The following DMD variants were observed in gnomAD, a reference collection of about 807,000 sequenced individuals.
DMD encodes the protein dystrophin.
DMD carries 63 observed loss-of-function variants against 330.1 expected under a neutral mutation model. The observed-to-expected ratio is 0.19, with a 90% CI of 0.16 to 0.24. The LOEUF (loss-of-function observed/expected upper bound fraction) is 0.24, where lower values mean the gene tolerates loss of function less well. Ranked by LOEUF, DMD falls within the 10% of genes least tolerant of loss-of-function variation. The probability of loss-of-function intolerance (pLI) is 1.00; values close to 1 mark genes in which losing one functional copy is unlikely to be tolerated. For synonymous variants in DMD, 1,223 were observed against 959.8 expected (o/e 1.27, Z -5.07); for missense variants, 3,344 against 2,684.1 (o/e 1.25, Z -5.43).
chrX:32,075,492 T>C (rs1204582779), intron 44 of DMD, among the ~76,000 whole-genome samples: 2 of 111,929 alleles, frequency 1.8e-5, no homozygotes, highest in South Asian at 3.7e-4. Flanking sequence ...CAGATACTTA[T>C]TTTTTGACAA....
Position 32,330,282 on chromosome X carries a change from A to G in DMD, c.5922+11818T>C, listed in dbSNP as rs752405360. Among the ~76,000 whole-genome samples the G allele has an allele frequency of 5.3e-5, 6 of 112,521 alleles. No homozygotes were observed. The South Asian group carries it at 2.2e-3, about 41-fold the overall frequency. ...TAAAGGAGGGCAGGAGAATTATCAG[A>G]TAACTTACCAACTTGAAAATATTAT... On this transcript the variant is annotated intron_variant, in intron 41 of 78. Coordinates refer to ENST00000357033, the MANE Select transcript of DMD (RefSeq NM_004006.3).
intron 7 of DMD, among the ~76,000 whole-genome samples, chrX:32,729,113 A>T (rs945041060): frequency 8.9e-6 from 1 of 112,214 alleles, no homozygotes; most frequent in African/African-American, 3.2e-5. Flanking sequence ...GAAAATTTGA[A>T]ATCTGAAATG....
chrX:32,078,369 G>A (rs1049473575), intron 44 of DMD, among the ~76,000 whole-genome samples: 13 of 111,432 alleles, frequency 1.2e-4, no homozygotes, highest in African/African-American at 4.2e-4. Context: ...TCTCTCACAC[G>A]GACTACTCAA....
In DMD at chrX:31,384,424, G is replaced by T. The variant is rs778278619; in HGVS notation, c.9085-35790C>A. 2.7e-5 allele frequency among the ~76,000 whole-genome samples: 3 copies of T among 111,747 alleles called. No homozygotes were observed. In the South Asian group the frequency reaches 1.1e-3, roughly 42 times the overall value. ...GTGATTTTGTACTCTGATGACCAGAGAAGAGAACAGGGACCTGTGGAATAT... is the reference window on the plus strand; with the variant it reads ...GTGATTTTGTACTCTGATGACCAGATAAGAGAACAGGGACCTGTGGAATAT... On this transcript the variant is annotated intron_variant, in intron 60 of 78. Transcript: ENST00000357033.
At chrX:32,188,219 A>AT (rs1249184124) in intron 44 of DMD, among the ~76,000 whole-genome samples, 6 of 109,189 alleles carry the variant, frequency 5.5e-5, no homozygotes, top group Non-Finnish European at 1.1e-4. Flanking sequence ...TTAGTCATAT[A>AT]TTTTTGTAAA....
chrX:32,895,511 G>C (rs2085627066), intron 2 of DMD, among the ~76,000 whole-genome samples: 1 of 111,397 alleles, frequency 9.0e-6, no homozygotes, highest in Non-Finnish European at 1.9e-5. Flanking sequence ...CTGGAGTTTT[G>C]GGCGTCAAGG....
intron 53 of DMD, among the ~76,000 whole-genome samples, chrX:31,674,439 C>G (rs1049803612): frequency 8.9e-6 from 1 of 112,193 alleles, no homozygotes; most frequent in African/African-American, 3.2e-5. Flanking sequence ...AATGTTTATT[C>G]AATAATTTGA....
chrX:32,194,268 A>G (rs59794609), intron 44 of DMD, among the ~76,000 whole-genome samples: 2,934 of 111,592 alleles, frequency 0.026, 82 homozygotes, highest in African/African-American at 0.091. Flanking sequence ...TGTTTTGACA[A>G]TTGAATGTAT....
chrX:33,150,540 C>T (rs192016776), intron 1 of DMD, among the ~76,000 whole-genome samples: 2 of 109,694 alleles, frequency 1.8e-5, no homozygotes, highest in African/African-American at 6.6e-5. Context: ...GTGATCCGCC[C>T]GCCTCGGCCT....
At chrX:31,530,321 T>C (rs1276633383) in intron 55 of DMD, among the ~76,000 whole-genome samples, 3 of 111,851 alleles carry the variant, frequency 2.7e-5, no homozygotes, top group Non-Finnish European at 5.6e-5. Flanking sequence ...CAAAGAGATA[T>C]GGTATATTAT....
chrX:33,282,603 A>G lies in DMD; in HGVS notation c.7+56656T>C, dbSNP rs144716253. Among the ~76,000 whole-genome samples, 1,056 of 111,958 alleles carry G rather than the reference A, an allele frequency of 9.4e-3. 20 individuals are homozygous for G. Among genetic ancestry groups the G allele is most frequent in the African/African-American group, 0.032 (996 of 30,844 alleles). The stretch of plus-strand genomic sequence containing the variant: ...AGGTTGGGCCACTTGCTGTGACAAA[A>G]TTCCTCTAAACAATACTGCCACTTG... On this transcript the variant is annotated intron_variant, in intron 1 of 17. Transcript: ENST00000288447.
intron 44 of DMD, among the ~76,000 whole-genome samples, chrX:31,985,569 A>C (rs1434821571): frequency 2.7e-5 from 3 of 112,446 alleles, no homozygotes. Context: ...TTCATTTTAG[A>C]TATTTAAATA....
At chrX:32,069,809 GTTC>G (rs2096283729) in intron 44 of DMD, among the ~76,000 whole-genome samples, 1 of 111,641 alleles carries the variant, frequency 9.0e-6, no homozygotes, top group Non-Finnish European at 1.9e-5. Flanking sequence ...TCTGAACACT[GTTC>G]TTCTATATTT....
chrX:33,150,039 G>A (rs1330238696), intron 1 of DMD, among the ~76,000 whole-genome samples: 1 of 111,297 alleles, frequency 9.0e-6, no homozygotes, highest in East Asian at 2.8e-4. Flanking sequence ...GATGATACAT[G>A]ACTATAAAAT....
intron 44 of DMD, among the ~76,000 whole-genome samples, chrX:32,057,304 A>C (rs2096184355): frequency 9.0e-6 from 1 of 111,326 alleles, no homozygotes. Context: ...AATACATCAA[A>C]TTTGGAAAGG....
At position 32,342,300 on chromosome X, in the gene DMD, T is replaced by C. The variant is rs2097747799; in HGVS notation, c.5740-18A>G. The C allele has an allele frequency of 8.3e-7, 1 of 1,209,504 alleles. No homozygotes were observed. Among genetic ancestry groups the C allele is most frequent in the Non-Finnish European group, 1.1e-6 (1 of 894,470 alleles). On this transcript the variant is annotated intron_variant, in intron 40 of 78. Transcript: ENST00000357033. ...TCAATTTCCTATTGAGCAAAACCAA[T>C]ACAGGGCCCAGGGCAGTTAGCTAAC...
chrX:32,025,666 G>A (rs1337567016), intron 44 of DMD, among the ~76,000 whole-genome samples: 1 of 112,152 alleles, frequency 8.9e-6, no homozygotes. Flanking sequence ...CAACTTAAAT[G>A]TAATTCTCTG....
At chrX:31,435,068 C>T (rs1416431463) in intron 60 of DMD, among the ~76,000 whole-genome samples, 1 of 111,594 alleles carries the variant, frequency 9.0e-6, no homozygotes, top group African/African-American at 3.3e-5. Flanking sequence ...CTGGCTCTCT[C>T]ACTTACCTGA....
intron 66 of DMD, among the ~76,000 whole-genome samples, chrX:31,205,279 G>A (rs773142391): frequency 8.9e-6 from 1 of 111,863 alleles, no homozygotes; most frequent in Non-Finnish European, 1.9e-5. Flanking sequence ...GTTTTAACAG[G>A]ATACCTAAGA....
Sources: gnomAD v4.1 joint callset for allele counts (sites outside exome capture counted in the v4.1 genomes callset) on GRCh38, gnomAD v4.1.1 for gene constraint, MANE v1.5 for transcripts, NCBI Gene and HGNC (gene_info 2026-07-23, HGNC 2026-07-21) for gene names.